Variants in ABHD18 observed in about 807,000 individuals in gnomAD.
ABHD18 encodes abhydrolase domain containing 18, also known as cardiolipin-specific deacylase, mitochondrial.
A neutral mutation model predicts 65.9 loss-of-function variants in ABHD18; 55 were observed. The observed-to-expected ratio is 0.84, with a 90% CI of 0.67 to 1.05. The LOEUF (loss-of-function observed/expected upper bound fraction) is 1.05. Ranked by LOEUF, ABHD18 falls within the 50% of genes least tolerant of loss-of-function variation. The pLI is 0.00. For synonymous variants in ABHD18, 181 were observed against 180.2 expected (o/e 1.00, Z -0.04); for missense variants, 533 against 558.5 (o/e 0.95, Z 0.46).
In ABHD18 at chr4:128,030,626, G is replaced by C; in HGVS notation, c.1297G>C (p.Glu433Gln). 6.2e-7 allele frequency: 1 copy of C among 1,606,666 alleles called. No individual in the cohort carries two copies. The highest frequency in any genetic ancestry group is 2.2e-5 in the East Asian group (1 of 44,574). Residue 433 changes from glutamate (E) to glutamine (Q), a missense_variant, in exon 12 of 13, where the codon GAA (glutamate) becomes CAA (glutamine). By Grantham distance (29) the Glu-to-Gln change is conservative (BLOSUM62 2). Around this residue, in one of 3 missense-constraint regions of ABHD18, gnomAD observed 220 missense variants for 226.8 expected, o/e 0.97. Transcript: ENST00000645843. ...GCCTGGTTGTGAAATCCGATACTTA[G>C]AAGGGGGTCATATTAGTGCTTATCT... ...IWPGCEIRYL[E>Q]GGHISAYLFK...
intron 4 of ABHD18, among the ~76,000 whole-genome samples, chr4:128,002,404 C>T (rs1361361400): frequency 1.3e-5 from 2 of 151,808 alleles, no homozygotes; most frequent in Non-Finnish European, 2.9e-5. Flanking sequence ...CTCAGTCTCC[C>T]AAGTAGCTGG....
intron 10 of ABHD18, among the ~76,000 whole-genome samples, chr4:128,027,488 C>T (rs1757550006): frequency 6.6e-6 from 1 of 152,082 alleles, no homozygotes; most frequent in Admixed American, 6.6e-5. Flanking sequence ...TCACTGCAAC[C>T]ACTGCCTCCC....
At position 128,039,162 on chromosome 4, in the gene ABHD18, T is replaced by TAC. The variant is rs1560962430; in HGVS notation, c.*3350_*3351insCA. ...ACATATGCATATATATATATATATATATATATATATATATATATATATAAT... is the reference window on the plus strand; with the variant it reads ...ACATATGCATATATATATATATATATACATATATATATATATATATATATAAT... On this transcript the variant is annotated 3_prime_UTR_variant, in exon 13 of 13. Coordinates refer to ENST00000645843, the MANE Select transcript of ABHD18 (RefSeq NM_001358451.3). 7.3e-6 allele frequency: 1 copy of TAC among 136,840 alleles called. No homozygotes were observed. Among genetic ancestry groups the TAC allele is most frequent in the Non-Finnish European group, 1.5e-5 (1 of 65,040 alleles). 8.5% of individuals were successfully genotyped at this position (136,840 alleles called of 1,614,324 possible). A position where few individuals can be genotyped will look rare whatever the true frequency, so the allele number is the denominator to read the frequency against.
At chr4:127,997,106 T>C (rs1158665359) in intron 4 of ABHD18, among the ~76,000 whole-genome samples, 1 of 152,220 alleles carries the variant, frequency 6.6e-6, no homozygotes, top group East Asian at 1.9e-4. Flanking sequence ...GTGATAAACG[T>C]CCATGAAATA....
At chr4:128,006,176 G>A (rs1753570160) in intron 4 of ABHD18, among the ~76,000 whole-genome samples, 1 of 152,174 alleles carries the variant, frequency 6.6e-6, no homozygotes, top group South Asian at 2.1e-4. Context: ...AATTAGGTGG[G>A]TAGTTAGTTA....
chr4:128,015,012 G>A (rs1579376711), intron 7 of ABHD18, among the ~76,000 whole-genome samples: 2 of 151,830 alleles, frequency 1.3e-5, no homozygotes, highest in African/African-American at 4.8e-5. Context: ...AGGAGGCAGA[G>A]GTTGCAGTGA....
rs1006954714 is a variant in ABHD18, at chr4:128,036,478, A to T, written c.*665A>T. ...CAGGGTGCGGTGGCTCACGCCTGTA[A>T]TCCCAGCACTGGGATGCTGAAGCGG... On this transcript the variant is annotated 3_prime_UTR_variant, in exon 13 of 13. Coordinates refer to ENST00000645843, the MANE Select transcript of ABHD18 (RefSeq NM_001358451.3). The T allele has an allele frequency of 1.3e-5, 2 of 152,312 alleles. No homozygotes were observed. The highest frequency in any genetic ancestry group is 4.8e-5 in the African/African-American group (2 of 41,444). 9.4% of individuals were successfully genotyped at this position (152,312 alleles called of 1,614,324 possible). A position where few individuals can be genotyped will look rare whatever the true frequency, so the allele number is the denominator to read the frequency against.
At chr4:127,989,854 A>G (rs757705082) in intron 4 of ABHD18, 33 bp downstream of exon 4, 3 of 1,293,060 alleles carry the variant, frequency 2.3e-6, no homozygotes, top group Non-Finnish European at 3.2e-6. Flanking sequence ...AGATGAATAC[A>G]TTATTTATGT....
chr4:127,977,609 T>C (rs1560824653), intron 1 of ABHD18, among the ~76,000 whole-genome samples: 1 of 152,234 alleles, frequency 6.6e-6, no homozygotes, highest in Non-Finnish European at 1.5e-5. Flanking sequence ...ATTTTTCATC[T>C]TGGGTTTCTG....
At chr4:128,022,068 G>A (rs1054882917) in intron 10 of ABHD18, among the ~76,000 whole-genome samples, 4 of 152,084 alleles carry the variant, frequency 2.6e-5, no homozygotes, top group Admixed American at 6.6e-5. Context: ...ATCACACACC[G>A]GGGCCTGTTG....
chr4:127,989,925 A>C, intron 4 of ABHD18, 104 bp downstream of exon 4: 1 of 619,140 alleles, frequency 1.6e-6, no homozygotes, highest in Non-Finnish European at 2.6e-6. Flanking sequence ...AGGCAGGCCT[A>C]AATTATTGAA....
chr4:128,002,185 G>C (rs1196942510), intron 4 of ABHD18, among the ~76,000 whole-genome samples: 1 of 152,058 alleles, frequency 6.6e-6, no homozygotes, highest in Non-Finnish European at 1.5e-5. Context: ...TGAGGCAGGA[G>C]AATCACTTGA....
chr4:128,014,132 C>T (rs1755071166), intron 7 of ABHD18, among the ~76,000 whole-genome samples: 3 of 151,594 alleles, frequency 2.0e-5, no homozygotes, highest in South Asian at 2.1e-4. Context: ...TACAGGCATG[C>T]GCCACCACGC....
At chr4:127,992,133 A>G (rs1486818589) in intron 4 of ABHD18, among the ~76,000 whole-genome samples, 1 of 152,162 alleles carries the variant, frequency 6.6e-6, no homozygotes, top group Non-Finnish European at 1.5e-5. Context: ...GGCTTTATAA[A>G]GTAGGACTAA....
At chr4:128,011,799 C>A (rs977881498) in intron 7 of ABHD18, 99 bp downstream of exon 7, 11 of 614,064 alleles carry the variant, frequency 1.8e-5, no homozygotes, top group African/African-American at 1.0e-4. Context: ...AAATTGAATA[C>A]CTAAATATTA....
intron 3 of ABHD18, among the ~76,000 whole-genome samples, chr4:127,986,994 T>C (rs1427024491): frequency 6.6e-6 from 1 of 152,204 alleles, no homozygotes; most frequent in Non-Finnish European, 1.5e-5. Context: ...TTGCCAGCTA[T>C]CAGAACACTA....
chr4:127,987,254 A>G (rs1277083133), intron 3 of ABHD18, among the ~76,000 whole-genome samples: 3 of 152,092 alleles, frequency 2.0e-5, no homozygotes, highest in Non-Finnish European at 4.4e-5. Flanking sequence ...TGGGAGGCGG[A>G]GGCAGGAGAA....
chr4:127,991,123 A>G (rs1343172357), intron 4 of ABHD18, among the ~76,000 whole-genome samples: 3 of 152,050 alleles, frequency 2.0e-5, no homozygotes, highest in African/African-American at 7.2e-5. Flanking sequence ...CTCGCCTCCC[A>G]AAGTGCTGAG....
At chr4:127,965,645 A>G (rs1172808454) in intron 1 of ABHD18, 39 bp downstream of exon 1, 3 of 189,810 alleles carry the variant, frequency 1.6e-5, no homozygotes, top group Admixed American at 5.5e-5. Context: ...GTGCGCTAAG[A>G]GCTCCCCGCG....
Sources: gnomAD v4.1 joint callset for allele counts (sites outside exome capture counted in the v4.1 genomes callset) on GRCh38, gnomAD v4.1.1 for gene constraint, gnomAD v4.1.1 regional missense constraint, MANE v1.5 for transcripts, NCBI Gene and HGNC (gene_info 2026-07-23, HGNC 2026-07-21) for gene names.